LRP1B: variants seen among roughly 807,000 people sequenced by gnomAD.
The protein encoded by LRP1B is LDL receptor related protein 1B.
LRP1B carries 217 observed loss-of-function variants against 556.6 expected under a neutral mutation model. The observed-to-expected ratio is 0.39, with a 90% confidence interval of 0.35 to 0.44. LRP1B has a LOEUF of 0.44. LRP1B is among the 20% of genes least tolerant of loss of function. The pLI is 1.00. For synonymous variants in LRP1B, 2,047 were observed against 1,865.8 expected, an observed-to-expected ratio of 1.10 and a Z score of -2.50; for missense variants, 5,053 against 5,620.8, an observed-to-expected ratio of 0.90 and a Z score of 3.23.
chr2:141,079,089 T>G (rs547135101), intron 7 of LRP1B, among the ~76,000 whole-genome samples: 1 of 152,060 alleles, frequency 6.6e-6, no homozygotes, highest in East Asian at 1.9e-4. Context: ...TATCATGTAC[T>G]TATAAACCCA....
At chr2:140,304,367 G>A (rs1351980905) in intron 83 of LRP1B, among the ~76,000 whole-genome samples, 1 of 152,084 alleles carries the variant, frequency 6.6e-6, no homozygotes, top group Non-Finnish European at 1.5e-5. Context: ...AGTGTGAGAT[G>A]GTATCTCACT....
chr2:141,035,891 T>C (rs1449245344), intron 11 of LRP1B, among the ~76,000 whole-genome samples: 1 of 152,140 alleles, frequency 6.6e-6, no homozygotes, highest in Non-Finnish European at 1.5e-5. Context: ...CTCAACTATG[T>C]TTTAATTGAT....
chr2:140,451,342 C>T (rs1223001095), intron 62 of LRP1B, among the ~76,000 whole-genome samples: 5 of 152,090 alleles, frequency 3.3e-5, no homozygotes, highest in Non-Finnish European at 1.5e-5. Flanking sequence ...TGGCCCTTTA[C>T]AGGAAAAATT....
chr2:140,872,293 C>T (rs1693160176), intron 25 of LRP1B, among the ~76,000 whole-genome samples: 1 of 146,562 alleles, frequency 6.8e-6, no homozygotes. Context: ...CTTACAGAAT[C>T]TCAAGAGTGT....
chr2:141,265,182 C>A lies in LRP1B; in HGVS notation c.344-10541G>T, dbSNP rs185557836. ...ACGCAGATGCTACCAATGGAGGGGT[C>A]CAAAGCAGCCTGAGCCAGCGTTAGA... On this transcript the variant is annotated intron_variant, in intron 3 of 90. Coordinates refer to ENST00000389484, the MANE Select transcript of LRP1B (RefSeq NM_018557.3). 2.2e-3 allele frequency among the ~76,000 whole-genome samples: 339 copies of A among 152,260 alleles called. 1 individual carries two copies. Among genetic ancestry groups the A allele is most frequent in the Non-Finnish European group, 1.2e-3 (85 of 68,022 alleles).
chr2:141,955,495 T>C (rs1443731762), intron 1 of LRP1B, among the ~76,000 whole-genome samples: 1 of 152,056 alleles, frequency 6.6e-6, no homozygotes, highest in Non-Finnish European at 1.5e-5. Flanking sequence ...ATGTGTACAT[T>C]AAAGTTTCTC....
At chr2:141,559,161 T>C (rs1686058781) in intron 2 of LRP1B, among the ~76,000 whole-genome samples, 1 of 151,704 alleles carries the variant, frequency 6.6e-6, no homozygotes, top group African/African-American at 2.4e-5. Flanking sequence ...AAAATATTAT[T>C]CTCCATCACT....
chr2:140,321,377 G>GT (rs1680117077), intron 82 of LRP1B, among the ~76,000 whole-genome samples: 2 of 151,588 alleles, frequency 1.3e-5, no homozygotes, highest in Non-Finnish European at 2.9e-5. Flanking sequence ...TTAGTTTTTA[G>GT]TTTTTACATT....
intron 2 of LRP1B, among the ~76,000 whole-genome samples, chr2:141,764,214 T>C (rs779652269): frequency 6.6e-6 from 1 of 151,898 alleles, no homozygotes; most frequent in East Asian, 1.9e-4. Flanking sequence ...AGAGTTTTGC[T>C]CTCACGCCCA....
chr2:141,943,052 G>A (rs1176486755), intron 1 of LRP1B, among the ~76,000 whole-genome samples: 1 of 152,180 alleles, frequency 6.6e-6, no homozygotes, highest in Non-Finnish European at 1.5e-5. Context: ...AGAAAATATT[G>A]AGTATAACTT....
intron 2 of LRP1B, among the ~76,000 whole-genome samples, chr2:141,623,283 T>A (rs144990249): frequency 6.6e-6 from 1 of 152,206 alleles, no homozygotes; most frequent in Non-Finnish European, 1.5e-5. Context: ...ATCAAATAAA[T>A]TGCAGAGTTT....
rs1399121740 is a variant in LRP1B at position 140,813,764 on chromosome 2, C to T, written c.5252G>A (p.Ser1751Asn). ...TCTATTTATGGTTCCATTCCCTGAA[C>T]TGATCCAATAAAGCTTGTTTTCCAC... ...DYVENKLYWI[S>N]SGNGTINRCN... Residue 1751 changes from serine (S) to asparagine (N), a missense_variant, in exon 32 of 91, where the codon AGT (serine) becomes AAT (asparagine). Around this residue, in one of 5 missense-constraint regions of LRP1B, gnomAD observed 3,619 missense variants for 3,931.9 expected, o/e 0.92. Transcript: ENST00000389484. 1.2e-6 allele frequency: 2 copies of T among 1,608,620 alleles called. No individual in the cohort carries two copies. The highest frequency in any genetic ancestry group is 1.1e-5 in the South Asian group (1 of 90,910).
intron 79 of LRP1B, among the ~76,000 whole-genome samples, chr2:140,331,705 A>C (rs1256024709): frequency 2.8e-5 from 4 of 145,330 alleles, no homozygotes; most frequent in South Asian, 2.1e-4. Flanking sequence ...ATATATATAT[A>C]TAATTTTAAA....
At chr2:140,910,266 G>T (rs905590976) in intron 21 of LRP1B, among the ~76,000 whole-genome samples, 5 of 151,770 alleles carry the variant, frequency 3.3e-5, no homozygotes, top group African/African-American at 1.2e-4. Context: ...TTATGTATAT[G>T]GATTTTATAT....
At chr2:140,927,917 T>C (rs1016087534) in intron 20 of LRP1B, among the ~76,000 whole-genome samples, 1 of 151,908 alleles carries the variant, frequency 6.6e-6, no homozygotes, top group African/African-American at 2.4e-5. Flanking sequence ...TATTTATTTT[T>C]TGTATTTTTG....
intron 77 of LRP1B, among the ~76,000 whole-genome samples, chr2:140,347,526 A>T (rs1030650486): frequency 1.1e-4 from 17 of 151,028 alleles, no homozygotes; most frequent in African/African-American, 4.1e-4. Flanking sequence ...TACTTCATTT[A>T]ACATTTAGTT....
chr2:140,817,185 G>T (rs1454120118), intron 31 of LRP1B, among the ~76,000 whole-genome samples: 1 of 151,994 alleles, frequency 6.6e-6, no homozygotes, highest in Non-Finnish European at 1.5e-5. Context: ...ATCTTCAAAG[G>T]CTATAGAATC....
intron 3 of LRP1B, among the ~76,000 whole-genome samples, chr2:141,367,249 AGTATGTACC>A (rs1689072102): frequency 1.3e-5 from 2 of 151,958 alleles, no homozygotes; most frequent in African/African-American, 4.8e-5. Flanking sequence ...AAGAATAAAC[AGTATGTACC>A]TAGTTAAATA....
intron 80 of LRP1B, 131 bp from the exon 81 acceptor site, chr2:140,324,197 C>A: frequency 1.9e-6 from 1 of 527,350 alleles, no homozygotes; most frequent in Admixed American, 3.4e-5. Context: ...GGAATATTTA[C>A]AATATTAGCT....
Sources: gnomAD v4.1 joint callset for allele counts (sites outside exome capture counted in the v4.1 genomes callset) on GRCh38, gnomAD v4.1.1 for gene constraint, gnomAD v4.1.1 regional missense constraint, MANE v1.5 for transcripts, NCBI Gene and HGNC (gene_info 2026-07-23, HGNC 2026-07-21) for gene names.